The following MGAM variants were observed in gnomAD, a reference collection of about 807,000 sequenced individuals.
The protein encoded by MGAM is maltase-glucoamylase.
Under a neutral mutation model 358.8 loss-of-function variants are expected in MGAM, and 253 were observed. The observed-to-expected ratio is 0.71, with a 90% CI of 0.64 to 0.78. The LOEUF is 0.78. MGAM is among the 30% of genes least tolerant of loss of function. MGAM has a pLI of 0.00. For synonymous variants in MGAM, 1,105 were observed against 1,227.1 expected, an observed-to-expected ratio of 0.90 and a Z score of 2.08; for missense variants, 3,080 against 3,432.6, an observed-to-expected ratio of 0.90 and a Z score of 2.57.
At chr7:142,077,691 C>T (rs1192711843) in intron 47 of MGAM, among the ~76,000 whole-genome samples, 1 of 144,932 alleles carries the variant, frequency 6.9e-6, no homozygotes, top group Non-Finnish European at 1.6e-5. Flanking sequence ...TTAGAATTCC[C>T]AATTTGCCCT....
Position 142,067,239 on chromosome 7 carries a change from G to T in MGAM, c.4920-102G>T, listed in dbSNP as rs531194206. On this transcript the variant is annotated intron_variant, in intron 41 of 70. Coordinates refer to ENST00000475668, the MANE Select transcript of MGAM (RefSeq NM_001365693.1). ...GGAACAAAGCAAGGATGGCTCAGGG[G>T]CAGCTGTATTTCCGACTTGGATCTG... 144 of 1,018,146 alleles carry T rather than the reference G, an allele frequency of 1.4e-4. 2 individuals carry two copies. In the African/African-American group the frequency reaches 2.1e-3, roughly 15 times the overall value. The allele number at this position is 1,018,146 out of a possible 1,614,324, so 63.1% of individuals were successfully genotyped here. A position where few individuals can be genotyped will look rare whatever the true frequency, so the allele number is the denominator to read the frequency against.
chr7:142,060,429 G>A (rs1190912675), intron 34 of MGAM, 56 bp downstream of exon 34: 19 of 1,576,930 alleles, frequency 1.2e-5, no homozygotes, highest in Non-Finnish European at 1.6e-5. Context: ...AGGGGCAGCT[G>A]TTCCTGGGAT....
chr7:142,091,622 G>C (rs1224091537), intron 57 of MGAM, among the ~76,000 whole-genome samples: 1 of 145,960 alleles, frequency 6.9e-6, no homozygotes, highest in Non-Finnish European at 1.5e-5. Context: ...TTGAGGGTTG[G>C]GCATCGAATG....
intron 45 of MGAM, among the ~76,000 whole-genome samples, chr7:142,074,830 T>G (rs755701318): frequency 1.4e-5 from 2 of 146,408 alleles, no homozygotes; most frequent in African/African-American, 4.9e-5. Context: ...AAATAAAGAT[T>G]GAATATATTT....
intron 43 of MGAM, among the ~76,000 whole-genome samples, chr7:142,070,273 A>G (rs1238185161): frequency 6.9e-6 from 1 of 145,916 alleles, no homozygotes; most frequent in Non-Finnish European, 1.6e-5. Context: ...AGGATTAATG[A>G]AGAAGTGTCA....
chr7:142,100,891 G>A lies in MGAM; in HGVS notation c.7963+1G>A. 1 of 1,612,136 alleles carries A rather than the reference G, an allele frequency of 6.2e-7. No homozygotes were observed. Among genetic ancestry groups the A allele is most frequent in the Non-Finnish European group, 8.5e-7 (1 of 1,179,118 alleles). On this transcript the variant is annotated splice_donor_variant, in intron 68 of 70. Coordinates refer to ENST00000475668, the MANE Select transcript of MGAM (RefSeq NM_001365693.1). LOFTEE classifies it high-confidence loss of function. ...TTCTGGGATGATGGGCAAAGCATTG[G>A]TGAGTAGAGGTTGCCTGAGATTCAT...
At chr7:142,030,304 T>C (rs917144320) in intron 10 of MGAM, 58 bp from the exon 11 acceptor site, 1 of 1,567,910 alleles carries the variant, frequency 6.4e-7, no homozygotes, top group Non-Finnish European at 8.7e-7. Context: ...GAAAATTTGA[T>C]TTCATTTTAC....
At chr7:142,051,474 A>T (rs950408136) in intron 24 of MGAM, among the ~76,000 whole-genome samples, 36 of 152,142 alleles carry the variant, frequency 2.4e-4, no homozygotes, top group African/African-American at 6.8e-4. Flanking sequence ...ACTCCAGACA[A>T]GTGAGAACTT....
intron 19 of MGAM, among the ~76,000 whole-genome samples, chr7:142,039,073 A>G (rs1808267873): frequency 6.6e-6 from 1 of 151,408 alleles, no homozygotes; most frequent in Non-Finnish European, 1.5e-5. Context: ...AAAAGCAGGA[A>G]CAAGACGGGG....
rs782748691 is a variant in MGAM, at chr7:142,036,192, T to C, written c.1983T>C (p.Phe661=). Residue 661 remains phenylalanine, a synonymous_variant, in exon 17 of 71, where the codon TTT becomes TTC. Coordinates refer to ENST00000475668, the MANE Select transcript of MGAM (RefSeq NM_001365693.1). ...AGGTGGGTCCTGACATATGTGGCTT[T>C]GCTTTGGACACCCCTGAGGAGCTCT... The part of the protein sequence containing the change: ...IPMVGPDICG[F]ALDTPEELCR... 6.2e-7 allele frequency: 1 copy of C among 1,612,110 alleles called. No individual in the cohort carries two copies.
chr7:142,068,684 G>C lies in MGAM; in HGVS notation c.5042G>C (p.Arg1681Pro). 1 of 1,535,158 alleles carries C rather than the reference G, an allele frequency of 6.5e-7. No individual in the cohort carries two copies. ...GTCACTGCATATTTCCCTAGAGCCC[G>C]TTGGTACGATTACTACACGGTAAGT... is the stretch of plus-strand genomic sequence containing the variant. ...RNVTAYFPRA[R>P]WYDYYTGVDI... Residue 1681 changes from arginine (R) to proline (P), a missense_variant, in exon 43 of 71, where the codon CGT becomes CCT. By Grantham distance (103) the Arg-to-Pro change is moderately radical. This residue lies in a region of MGAM where 932 missense variants were observed against 1,198.2 expected (regional missense o/e 0.78). Transcript: ENST00000475668.
rs144892526 is a variant in MGAM, at chr7:142,089,648, A to G, written c.6811-2265A>G. 7.2e-3 allele frequency among the ~76,000 whole-genome samples: 1,053 copies of G among 145,516 alleles called. 150 individuals are homozygous for G. Among genetic ancestry groups the G allele is most frequent in the Non-Finnish European group, 0.011 (701 of 64,214 alleles). ...TTTACTAAAAATACAAAAGTTAGCC[A>G]GGCGTGGTGGCACGCGCCTGTAATC... On this transcript the variant is annotated intron_variant, in intron 57 of 70. Coordinates refer to ENST00000475668, the MANE Select transcript of MGAM (RefSeq NM_001365693.1).
Position 142,083,096 on chromosome 7 carries a change from A to G in MGAM, c.6269-205A>G, listed in dbSNP as rs1162942406. Among the ~76,000 whole-genome samples, 5 of 146,624 alleles carry G rather than the reference A, an allele frequency of 3.4e-5. 1 individual carries two copies. Among genetic ancestry groups the G allele is most frequent in the Non-Finnish European group, 6.2e-5 (4 of 64,726 alleles). ...TAAGAGTAGAACGACAAAATATAGT[A>G]AAATACACCAAAGGAAGCAAACCCA... is the stretch of plus-strand genomic sequence containing the variant. On this transcript the variant is annotated intron_variant, in intron 52 of 70. Coordinates refer to ENST00000475668, the MANE Select transcript of MGAM (RefSeq NM_001365693.1).
intron 16 of MGAM, among the ~76,000 whole-genome samples, chr7:142,035,623 A>G (rs189470834): frequency 6.6e-6 from 1 of 152,322 alleles, no homozygotes; most frequent in Non-Finnish European, 1.5e-5. Context: ...AAAAATGAGC[A>G]CAAACAGTAT....
At chr7:142,068,547 C>A in intron 42 of MGAM, 100 bp from the exon 43 acceptor site, 1 of 973,120 alleles carries the variant, frequency 1.0e-6, no homozygotes, top group Non-Finnish European at 1.6e-6. Context: ...GCAGCTGGGT[C>A]CAAAGCCATC....
At chr7:142,088,713 A>G (rs992032945) in intron 57 of MGAM, among the ~76,000 whole-genome samples, 4 of 132,854 alleles carry the variant, frequency 3.0e-5, no homozygotes, top group African/African-American at 1.1e-4. Context: ...CAGCCACCCT[A>G]TTCATTTATG....
At chr7:142,079,568 C>G (rs6942712) in intron 49 of MGAM, among the ~76,000 whole-genome samples, 25,439 of 145,646 alleles carry the variant, frequency 0.17, 5,755 homozygotes, top group African/African-American at 0.45. Context: ...AGCCACCAAC[C>G]TGCAGCGATT....
rs116791308 is a variant in MGAM at position 142,025,211 on chromosome 7, A to G, written c.982+62A>G. Reference sequence around the variant, plus strand: ...TGATTTTCAGTCCCTTTCTTACAGCACTATGATAAAAGGAATGGATCCCTT... The same window carrying G: ...TGATTTTCAGTCCCTTTCTTACAGCGCTATGATAAAAGGAATGGATCCCTT... On this transcript the variant is annotated intron_variant, in intron 8 of 70. Transcript: ENST00000475668. 2.0e-3 allele frequency: 2,540 copies of G among 1,265,728 alleles called. 44 individuals carry two copies. In the African/African-American group the frequency reaches 0.033, roughly 17 times the overall value. The allele number at this position is 1,265,728 out of a possible 1,614,324, so 78.4% of individuals were successfully genotyped here. A position where few individuals can be genotyped will look rare whatever the true frequency, so the allele number is the denominator to read the frequency against.
chr7:142,076,762 C>T lies in MGAM; in HGVS notation c.5429C>T (p.Thr1810Met), dbSNP rs190426806. 93 of 1,554,828 alleles carry T rather than the reference C, an allele frequency of 6.0e-5. 15 individuals are homozygous for T. The highest frequency in any genetic ancestry group is 1.5e-4 in the African/African-American group (11 of 74,530). ...GGGATGGAGGAACCTAGCAATGTTACGGTGAAACACAATGGTGTCCCAAGT... is the reference window on the plus strand; with the variant it reads ...GGGATGGAGGAACCTAGCAATGTTATGGTGAAACACAATGGTGTCCCAAGT... The part of the protein sequence containing the change: ...ILGMEEPSNV[T>M]VKHNGVPSQT... The change falls in exon 47 of 71, where the codon ACG (threonine) becomes ATG (methionine). Residue 1810 changes from threonine (T) to methionine (M), a missense_variant. This residue lies in a region of MGAM where 932 missense variants were observed against 1,198.2 expected (regional missense o/e 0.78). Transcript: ENST00000475668.
Sources: gnomAD v4.1 joint callset for allele counts (sites outside exome capture counted in the v4.1 genomes callset) on GRCh38, gnomAD v4.1.1 for gene constraint, gnomAD v4.1.1 regional missense constraint, MANE v1.5 for transcripts, NCBI Gene and HGNC (gene_info 2026-07-23, HGNC 2026-07-21) for gene names.